Variants in ZDHHC3 observed in about 807,000 individuals in gnomAD.
ZDHHC3 encodes palmitoyltransferase ZDHHC3.
ZDHHC3 carries 9 observed loss-of-function variants against 30.6 expected under a neutral mutation model. The observed-to-expected ratio is 0.29, with a 90% confidence interval of 0.18 to 0.51. The LOEUF (loss-of-function observed/expected upper bound fraction) is 0.51, where lower values mean the gene tolerates loss of function less well. Ranked by LOEUF, ZDHHC3 falls within the 20% of genes least tolerant of loss-of-function variation. ZDHHC3 has a pLI of 0.97. For missense variants in ZDHHC3, 246 were observed against 384.2 expected (o/e 0.64, Z 3.01); for synonymous variants, 136 against 140.2 (o/e 0.97, Z 0.21).
intron 2 of ZDHHC3, among the ~76,000 whole-genome samples, chr3:44,948,543 C>T (rs1043538582): frequency 2.6e-5 from 4 of 152,228 alleles, no homozygotes; most frequent in African/African-American, 9.6e-5. Flanking sequence ...AGGCCTCATA[C>T]AGCTGGTGGG....
intron 1 of ZDHHC3, among the ~76,000 whole-genome samples, chr3:44,961,108 C>G (rs529367449): frequency 5.3e-5 from 8 of 152,338 alleles, no homozygotes; most frequent in Non-Finnish European, 1.2e-4. Flanking sequence ...GAATAACCAT[C>G]TCGGCCGGGC....
chr3:44,922,456 CA>C lies in ZDHHC3; in HGVS notation c.*4232del. 1 of 985,424 alleles carries C rather than the reference CA, an allele frequency of 1.0e-6. No homozygotes were observed. Among genetic ancestry groups the C allele is most frequent in the Non-Finnish European group, 1.2e-6 (1 of 829,938 alleles). The allele number at this position is 985,424 out of a possible 1,614,324, so 61.0% of individuals were successfully genotyped here. On this transcript the variant is annotated 3_prime_UTR_variant, in exon 7 of 7. Coordinates refer to ENST00000424952, the MANE Select transcript of ZDHHC3 (RefSeq NM_001135179.2). ...GCTAATAATTTGGATCTGCTTCATA[CA>C]GACTTTCTTTGATGTCTTGGCAGTT...
At chr3:44,934,800 G>A (rs1018429898) in intron 3 of ZDHHC3, among the ~76,000 whole-genome samples, 1 of 149,658 alleles carries the variant, frequency 6.7e-6, no homozygotes, top group South Asian at 2.1e-4. Context: ...GCTGAGGCAG[G>A]AGAATCACTT....
intron 2 of ZDHHC3, among the ~76,000 whole-genome samples, chr3:44,955,018 C>T (rs1237728667): frequency 1.3e-5 from 2 of 152,176 alleles, no homozygotes; most frequent in East Asian, 3.9e-4. Context: ...GTTTCCAGAA[C>T]ACAGAAAGCC....
intron 2 of ZDHHC3, among the ~76,000 whole-genome samples, chr3:44,958,840 AG>A (rs1704195965): frequency 6.6e-6 from 1 of 152,228 alleles, no homozygotes; most frequent in Admixed American, 6.5e-5. Flanking sequence ...ACCAGAGGCC[AG>A]GTTTCCCCCA....
rs1443953115 is a variant in ZDHHC3 at position 44,916,596 on chromosome 3, A to G, written c.*10093T>C. The stretch of plus-strand genomic sequence containing the variant: ...ATCCTGACGCCAGTAGACGCTGGGG[A>G]AATGGGCCAAAGAGAGGAACAAAGG... On this transcript the variant is annotated 3_prime_UTR_variant, in exon 7 of 7. Coordinates refer to ENST00000424952, the MANE Select transcript of ZDHHC3 (RefSeq NM_001135179.2). 1 of 152,176 alleles carries G rather than the reference A, an allele frequency of 6.6e-6. No individual in the cohort carries two copies. The highest frequency in any genetic ancestry group is 1.5e-5 in the Non-Finnish European group (1 of 68,086). 9.4% of individuals were successfully genotyped at this position (152,176 alleles called of 1,614,324 possible). A position where few individuals can be genotyped will look rare whatever the true frequency, so the allele number is the denominator to read the frequency against.
At chr3:44,967,033 G>T (rs779193576) in intron 1 of ZDHHC3, among the ~76,000 whole-genome samples, 1 of 152,084 alleles carries the variant, frequency 6.6e-6, no homozygotes, top group Admixed American at 6.5e-5. Context: ...TATAGCAGGG[G>T]CTGTCTCCCT....
Position 44,925,510 on chromosome 3 carries a change from T to G in ZDHHC3, c.*1179A>C. The G allele has an allele frequency of 1.0e-6, 1 of 985,448 alleles. No homozygotes were observed. Among genetic ancestry groups the G allele is most frequent in the Non-Finnish European group, 1.2e-6 (1 of 829,938 alleles). 61.0% of individuals were successfully genotyped at this position (985,448 alleles called of 1,614,324 possible). ...CTTCAAACAAGACTGACACAGGAAG[T>G]GCCTCTCAAATGGAAAATCTATTCT... On this transcript the variant is annotated 3_prime_UTR_variant, in exon 7 of 7. Coordinates refer to ENST00000424952, the MANE Select transcript of ZDHHC3 (RefSeq NM_001135179.2).
At position 44,924,223 on chromosome 3, in the gene ZDHHC3, T is replaced by C. The variant is rs1700813543; in HGVS notation, c.*2466A>G. ...CCTCTTTCATTACATCCGGAAATAC[T>C]GAGGAGAGCTCAGGGATGCTTTCCC... On this transcript the variant is annotated 3_prime_UTR_variant, in exon 7 of 7. Coordinates refer to ENST00000424952, the MANE Select transcript of ZDHHC3 (RefSeq NM_001135179.2). 1 of 985,322 alleles carries C rather than the reference T, an allele frequency of 1.0e-6. No homozygotes were observed. The highest frequency in any genetic ancestry group is 1.7e-5 in the African/African-American group (1 of 57,254). 61.0% of individuals were successfully genotyped at this position (985,322 alleles called of 1,614,324 possible). A position where few individuals can be genotyped will look rare whatever the true frequency, so the allele number is the denominator to read the frequency against.
At chr3:44,947,668 A>G (rs1703068793) in intron 2 of ZDHHC3, among the ~76,000 whole-genome samples, 1 of 152,168 alleles carries the variant, frequency 6.6e-6, no homozygotes. Flanking sequence ...ATGCAGCACT[A>G]CTATAAAAAA....
intron 3 of ZDHHC3, among the ~76,000 whole-genome samples, chr3:44,939,348 C>T (rs1702242499): frequency 1.3e-5 from 2 of 152,306 alleles, no homozygotes; most frequent in South Asian, 4.1e-4. Context: ...TGCCTGTTCC[C>T]AATACACAAT....
chr3:44,922,335 T>C lies in ZDHHC3; in HGVS notation c.*4354A>G, dbSNP rs529905545. The stretch of plus-strand genomic sequence containing the variant: ...CCATCTGGAGGTCCCTTGGTTCTAC[T>C]CTTTTCTCTTTCCCTTCCGGGCTGC... On this transcript the variant is annotated 3_prime_UTR_variant, in exon 7 of 7. Coordinates refer to ENST00000424952, the MANE Select transcript of ZDHHC3 (RefSeq NM_001135179.2). 7.0e-5 allele frequency: 69 copies of C among 985,414 alleles called. No individual in the cohort carries two copies. In the African/African-American group the frequency reaches 9.9e-4, roughly 14 times the overall value. The allele number at this position is 985,414 out of a possible 1,614,324, so 61.0% of individuals were successfully genotyped here.
chr3:44,959,886 C>A lies in ZDHHC3; in HGVS notation c.-24-426G>T, dbSNP rs1222651723. 6.6e-6 allele frequency among the ~76,000 whole-genome samples: 1 copy of A among 152,154 alleles called. No individual in the cohort carries two copies. Among genetic ancestry groups the A allele is most frequent in the Non-Finnish European group, 1.5e-5 (1 of 68,034 alleles). Reference sequence around the variant, plus strand: ...AAGGGATCCTCCCACCTCAACCTCCCAAGTACCTAGAACTACAGGCACGCA... The same window carrying A: ...AAGGGATCCTCCCACCTCAACCTCCAAAGTACCTAGAACTACAGGCACGCA... On this transcript the variant is annotated intron_variant, in intron 1 of 6. Transcript: ENST00000424952. This position sits in a 1 kb window ranked among gnomAD's most constrained non-coding sequence, Gnocchi z 4.3.
At chr3:44,958,646 C>T (rs1264292572) in intron 2 of ZDHHC3, 1 of 1,536,012 alleles carries the variant, frequency 6.5e-7, no homozygotes, top group Non-Finnish European at 8.7e-7. Flanking sequence ...AAAAGATGCA[C>T]CTCGCCCAAG....
chr3:44,927,551 G>T (rs1701104042), intron 6 of ZDHHC3, among the ~76,000 whole-genome samples: 1 of 152,226 alleles, frequency 6.6e-6, no homozygotes, highest in Admixed American at 6.5e-5. Flanking sequence ...GCATGGCCAG[G>T]CCAGCCAGCA....
chr3:44,952,389 C>G (rs1048593286), intron 2 of ZDHHC3, among the ~76,000 whole-genome samples: 1 of 152,190 alleles, frequency 6.6e-6, no homozygotes, highest in African/African-American at 2.4e-5. Context: ...CCAGGTCTTC[C>G]TGCCTCTAGT....
intron 3 of ZDHHC3, among the ~76,000 whole-genome samples, chr3:44,937,288 A>T (rs1369988379): frequency 1.3e-5 from 2 of 151,938 alleles, no homozygotes; most frequent in Admixed American, 6.6e-5. Flanking sequence ...CAACAAAAAT[A>T]AAAAAATTAG....
At chr3:44,968,288 G>C (rs1705126025) in intron 1 of ZDHHC3, among the ~76,000 whole-genome samples, 1 of 151,940 alleles carries the variant, frequency 6.6e-6, no homozygotes, top group Non-Finnish European at 1.5e-5. Context: ...GATGGACTAG[G>C]ATCTCTAATC....
At chr3:44,944,733 T>C (rs1223273502) in intron 3 of ZDHHC3, among the ~76,000 whole-genome samples, 1 of 152,234 alleles carries the variant, frequency 6.6e-6, no homozygotes, top group East Asian at 1.9e-4. Context: ...TTTAGAAGTT[T>C]TAAAAGAAAG....
Sources: allele counts gnomAD v4.1 joint callset (sites outside exome capture counted in the v4.1 genomes callset), GRCh38; gene constraint gnomAD v4.1.1; non-coding constraint Gnocchi (gnomAD v3.1); transcripts MANE v1.5; gene names NCBI Gene and HGNC (gene_info 2026-07-23, HGNC 2026-07-21).